Variants in GRM8 observed in about 807,000 individuals in gnomAD.
The protein encoded by GRM8 is glutamate metabotropic receptor 8, also known as metabotropic glutamate receptor 8.
In GRM8, 47 loss-of-function variants were observed where a neutral mutation model predicts 87.2. The observed-to-expected ratio is 0.54, with a 90% CI of 0.43 to 0.69. The LOEUF (loss-of-function observed/expected upper bound fraction) is 0.69, where lower values mean the gene tolerates loss of function less well. GRM8 is among the 30% of genes least tolerant of loss of function. The pLI is 0.00. For synonymous variants in GRM8, 396 were observed against 404.5 expected (o/e 0.98, Z 0.25); for missense variants, 1,019 against 1,139.2 (o/e 0.89, Z 1.52).
chr7:127,091,859 A>AC (rs1365419020), intron 3 of GRM8, among the ~76,000 whole-genome samples: 4 of 16,162 alleles, frequency 2.5e-4, no homozygotes, highest in African/African-American at 1.0e-3. Flanking sequence ...CCCGCCAATG[A>AC]CCCCCCCGCC....
At chr7:126,815,751 T>C (rs994379125) in intron 6 of GRM8, among the ~76,000 whole-genome samples, 4 of 152,130 alleles carry the variant, frequency 2.6e-5, no homozygotes, top group African/African-American at 9.7e-5. Context: ...CTATAAACTA[T>C]TCTTCTTTTT....
chr7:127,167,734 T>C (rs1793539803), intron 2 of GRM8, among the ~76,000 whole-genome samples: 1 of 152,152 alleles, frequency 6.6e-6, no homozygotes, highest in African/African-American at 2.4e-5. Context: ...TGATCAGCCA[T>C]TCCTCCATCT....
rs549848156 is a variant in GRM8, at chr7:126,551,188, C to T, written c.1495-17301G>A. Among the ~76,000 whole-genome samples, 3 of 152,170 alleles carry T rather than the reference C, an allele frequency of 2.0e-5. No homozygotes were observed. In the East Asian group the frequency reaches 5.8e-4, roughly 29 times the overall value. On this transcript the variant is annotated intron_variant, in intron 8 of 10. Coordinates refer to ENST00000339582, the MANE Select transcript of GRM8 (RefSeq NM_000845.3). ...TACCTTTAGAAGCAATGTTTTATGTCCCCTGTACCATCTTCCCCATGCAAA... is the reference window on the plus strand; with the variant it reads ...TACCTTTAGAAGCAATGTTTTATGTTCCCTGTACCATCTTCCCCATGCAAA...
At chr7:126,637,518 C>T (rs927804139) in intron 7 of GRM8, among the ~76,000 whole-genome samples, 4 of 152,044 alleles carry the variant, frequency 2.6e-5, no homozygotes, top group African/African-American at 4.8e-5. Context: ...CTGGATATTT[C>T]CAGATAACAA....
At chr7:126,635,840 T>C (rs1283772048) in intron 7 of GRM8, among the ~76,000 whole-genome samples, 2 of 152,288 alleles carry the variant, frequency 1.3e-5, no homozygotes, top group East Asian at 3.9e-4. Context: ...AGCTCAACCA[T>C]TAATTTATGA....
At chr7:126,950,342 C>G (rs945836457) in intron 3 of GRM8, among the ~76,000 whole-genome samples, 1 of 152,064 alleles carries the variant, frequency 6.6e-6, no homozygotes, top group Non-Finnish European at 1.5e-5. Context: ...TGGAATATAA[C>G]ATTCTGTTTA....
chr7:126,523,423 T>A (rs901263997), intron 9 of GRM8, among the ~76,000 whole-genome samples: 1 of 152,180 alleles, frequency 6.6e-6, no homozygotes, highest in African/African-American at 2.4e-5. Context: ...ATCTATTGGC[T>A]ACTCACAGAA....
chr7:126,898,660 G>A (rs1439712200), intron 6 of GRM8, among the ~76,000 whole-genome samples: 2 of 152,084 alleles, frequency 1.3e-5, no homozygotes, highest in Admixed American at 6.6e-5. Flanking sequence ...ATCTGGATTC[G>A]GCCACAAACC....
At chr7:127,194,661 T>TG (rs1177745470) in intron 2 of GRM8, among the ~76,000 whole-genome samples, 1 of 152,220 alleles carries the variant, frequency 6.6e-6, no homozygotes, top group Non-Finnish European at 1.5e-5. Context: ...AGAAGTCATC[T>TG]GAACTCTCAT....
chr7:126,659,135 C>T (rs1473256824), intron 7 of GRM8, among the ~76,000 whole-genome samples: 1 of 149,308 alleles, frequency 6.7e-6, no homozygotes, highest in Non-Finnish European at 1.5e-5. Context: ...AATTCAGCTG[C>T]CTTCAGCCCA....
At chr7:127,040,151 G>A (rs971493490) in intron 3 of GRM8, among the ~76,000 whole-genome samples, 6 of 150,300 alleles carry the variant, frequency 4.0e-5, no homozygotes, top group Non-Finnish European at 5.9e-5. Flanking sequence ...CAGGTCTAAG[G>A]CAAGTTTTGC....
chr7:127,072,923 G>A (rs1489486695), intron 3 of GRM8, among the ~76,000 whole-genome samples: 2 of 151,794 alleles, frequency 1.3e-5, no homozygotes, highest in East Asian at 3.9e-4. Context: ...GACAAAGCTA[G>A]CCCACCTCTC....
At chr7:127,144,847 G>T (rs535729196) in intron 2 of GRM8, among the ~76,000 whole-genome samples, 91 of 152,120 alleles carry the variant, frequency 6.0e-4, no homozygotes, top group South Asian at 2.1e-3. Context: ...AGACTAAAAT[G>T]CACTCTCTGG....
intron 7 of GRM8, among the ~76,000 whole-genome samples, chr7:126,732,578 G>A (rs957869547): frequency 6.6e-6 from 1 of 152,036 alleles, no homozygotes; most frequent in African/African-American, 2.4e-5. Context: ...TGTGAATATG[G>A]CGTATAGAGA....
chr7:127,027,185 T>G (rs998361244), intron 3 of GRM8, among the ~76,000 whole-genome samples: 1 of 152,124 alleles, frequency 6.6e-6, no homozygotes, highest in Non-Finnish European at 1.5e-5. Flanking sequence ...TTCTGTCCCA[T>G]TGGTCTATAT....
intron 6 of GRM8, among the ~76,000 whole-genome samples, chr7:126,884,849 T>A (rs1247824046): frequency 6.6e-6 from 1 of 152,150 alleles, no homozygotes; most frequent in Admixed American, 6.5e-5. Flanking sequence ...GTAACTGTAA[T>A]AAAAGCTAAA....
At chr7:126,780,202 G>A (rs10245479) in intron 6 of GRM8, among the ~76,000 whole-genome samples, 7,480 of 152,102 alleles carry the variant, frequency 0.049, 630 homozygotes, top group African/African-American at 0.17. Flanking sequence ...CCCTGCTTCC[G>A]ATCTGCCTAG....
At chr7:127,010,700 C>T (rs1304686176) in intron 3 of GRM8, among the ~76,000 whole-genome samples, 2 of 152,102 alleles carry the variant, frequency 1.3e-5, no homozygotes, top group Non-Finnish European at 2.9e-5. Context: ...AAATTCAGCT[C>T]CTTAGTGAAA....
At chr7:127,039,182 C>A (rs892847360) in intron 3 of GRM8, among the ~76,000 whole-genome samples, 1 of 152,168 alleles carries the variant, frequency 6.6e-6, no homozygotes, top group African/African-American at 2.4e-5. Flanking sequence ...TTCCAACCTC[C>A]AGTAGCTCAG....
Sources: gnomAD v4.1 joint callset for allele counts (sites outside exome capture counted in the v4.1 genomes callset) on GRCh38, gnomAD v4.1.1 for gene constraint, MANE v1.5 for transcripts, NCBI Gene and HGNC (gene_info 2026-07-23, HGNC 2026-07-21) for gene names.